The following LSAMP variants were observed in gnomAD, a reference collection of about 807,000 sequenced individuals.
The protein encoded by LSAMP is limbic system associated membrane protein, also known as limbic system-associated membrane protein.
A neutral mutation model predicts 38.6 loss-of-function variants in LSAMP; 7 were observed. That is an observed-to-expected ratio of 0.18 (90% CI 0.10 to 0.34). The LOEUF (loss-of-function observed/expected upper bound fraction) is 0.34, where lower values mean the gene tolerates loss of function less well. Ranked by LOEUF, LSAMP falls within the 10% of genes least tolerant of loss-of-function variation. LSAMP has a pLI of 1.00. For synonymous variants in LSAMP, 154 were observed against 166.8 expected (o/e 0.92, Z 0.59); for missense variants, 313 against 420.0 (o/e 0.75, Z 2.23).
chr3:116,444,751 G>A lies in LSAMP; in HGVS notation c.155+126C>T, dbSNP rs917717909. ...CACACCACACACACACACACCACAA[G>A]CCTGCAGCATCAGGAGCTGGAGTTC... On this transcript the variant is annotated intron_variant, in intron 1 of 6. Coordinates refer to ENST00000490035, the MANE Select transcript of LSAMP (RefSeq NM_002338.5). 9 of 1,201,342 alleles carry A rather than the reference G, an allele frequency of 7.5e-6. No homozygotes were observed. In the Admixed American group the frequency reaches 1.2e-4, roughly 16 times the overall value. The allele number at this position is 1,201,342 out of a possible 1,614,324, so 74.4% of individuals were successfully genotyped here. A position where few individuals can be genotyped will look rare whatever the true frequency, so the allele number is the denominator to read the frequency against.
chr3:115,958,054 T>C (rs960290572), intron 3 of LSAMP, among the ~76,000 whole-genome samples: 1 of 152,196 alleles, frequency 6.6e-6, no homozygotes, highest in Non-Finnish European at 1.5e-5. Flanking sequence ...TTTTATTTTT[T>C]AGATGAGCAT....
chr3:115,828,525 G>A (rs1050097616), intron 6 of LSAMP, among the ~76,000 whole-genome samples: 3 of 152,122 alleles, frequency 2.0e-5, no homozygotes, highest in African/African-American at 7.2e-5. Flanking sequence ...AGGCAGACTC[G>A]AGAGCAAGCA....
At chr3:116,100,164 C>T (rs1708314526) in intron 1 of LSAMP, among the ~76,000 whole-genome samples, 1 of 151,946 alleles carries the variant, frequency 6.6e-6, no homozygotes, top group Non-Finnish European at 1.5e-5. Context: ...TCACTGTAAC[C>T]TCTGCCTCCC....
intron 2 of LSAMP, among the ~76,000 whole-genome samples, chr3:116,043,463 A>G (rs1172765976): frequency 1.3e-5 from 2 of 152,160 alleles, no homozygotes; most frequent in Non-Finnish European, 2.9e-5. Flanking sequence ...CCTAACTCAG[A>G]GCAGATGTCA....
chr3:115,818,613 A>G (rs975019646), intron 6 of LSAMP, among the ~76,000 whole-genome samples: 1 of 151,322 alleles, frequency 6.6e-6, no homozygotes, highest in Non-Finnish European at 1.5e-5. Flanking sequence ...AATGCTCAAT[A>G]AATGAAAGTT....
chr3:116,167,614 A>T (rs139608765), intron 1 of LSAMP, among the ~76,000 whole-genome samples: 1 of 152,130 alleles, frequency 6.6e-6, no homozygotes, highest in African/African-American at 2.4e-5. Context: ...CCTTCCATCC[A>T]TCTATTGAAT....
At chr3:116,375,565 C>G (rs1484383662) in intron 1 of LSAMP, among the ~76,000 whole-genome samples, 1 of 151,728 alleles carries the variant, frequency 6.6e-6, no homozygotes, top group Non-Finnish European at 1.5e-5. Context: ...CTACAAATGT[C>G]ATAGTATACA....
intron 3 of LSAMP, among the ~76,000 whole-genome samples, chr3:115,960,914 T>A (rs552386021): frequency 6.6e-6 from 1 of 152,206 alleles, no homozygotes; most frequent in Admixed American, 6.5e-5. Flanking sequence ...CCCCATTAGC[T>A]GTCAGTTCAC....
chr3:116,315,240 C>T (rs1032684159), intron 1 of LSAMP, among the ~76,000 whole-genome samples: 1 of 152,286 alleles, frequency 6.6e-6, no homozygotes, highest in South Asian at 2.1e-4. Context: ...ACTCAGAGGC[C>T]TACTTCTTCC....
chr3:116,218,950 A>G (rs1022214475), intron 1 of LSAMP, among the ~76,000 whole-genome samples: 1 of 152,204 alleles, frequency 6.6e-6, no homozygotes, highest in Non-Finnish European at 1.5e-5. Context: ...TTTCTACTTC[A>G]TTGTGGTAAG....
At chr3:115,985,737 T>C (rs1939491918) in intron 3 of LSAMP, among the ~76,000 whole-genome samples, 1 of 152,126 alleles carries the variant, frequency 6.6e-6, no homozygotes, top group South Asian at 2.1e-4. Context: ...AAGTCCCACA[T>C]GGTGAGGAAC....
rs543798094 is a variant in LSAMP at position 115,823,848 on chromosome 3, A to G, written c.920-13434T>C. 2.6e-5 allele frequency among the ~76,000 whole-genome samples: 4 copies of G among 152,316 alleles called. No individual in the cohort carries two copies. The South Asian group carries it at 8.3e-4, about 32-fold the overall frequency. On this transcript the variant is annotated intron_variant, in intron 6 of 6. Coordinates refer to ENST00000490035, the MANE Select transcript of LSAMP (RefSeq NM_002338.5). The stretch of plus-strand genomic sequence containing the variant: ...GGTCTTAACAGCAATGCAATAAAAA[A>G]TGTTATCATACAGGTTGATGAGGTC...
intron 1 of LSAMP, among the ~76,000 whole-genome samples, chr3:116,273,703 T>C (rs985468452): frequency 7.9e-6 from 1 of 127,130 alleles, no homozygotes; most frequent in Admixed American, 7.8e-5. Flanking sequence ...TATATATATA[T>C]ATATACACAC....
At chr3:116,206,024 A>T (rs1187347816) in intron 1 of LSAMP, among the ~76,000 whole-genome samples, 1 of 151,952 alleles carries the variant, frequency 6.6e-6, no homozygotes, top group African/African-American at 2.4e-5. Flanking sequence ...CTGTGAATGC[A>T]TCTGGCCCTG....
rs564684455 is a variant in LSAMP, at chr3:116,058,590, C to T, written c.388+27734G>A. ...TCTACTAGAAATATAGTAATTTACT[C>T]ACAGAAAATAGTCATCTTCTGTAAT... On this transcript the variant is annotated intron_variant, in intron 2 of 6. Transcript: ENST00000490035. 1.1e-4 allele frequency among the ~76,000 whole-genome samples: 16 copies of T among 152,190 alleles called. No individual in the cohort carries two copies. In the East Asian group the frequency reaches 2.5e-3, roughly 24 times the overall value.
chr3:116,167,793 G>T (rs1000351803), intron 1 of LSAMP, among the ~76,000 whole-genome samples: 3 of 152,182 alleles, frequency 2.0e-5, no homozygotes, highest in Admixed American at 1.3e-4. Context: ...ATAATGTAGG[G>T]TTATTATGTA....
intron 3 of LSAMP, among the ~76,000 whole-genome samples, chr3:115,924,296 T>A (rs1937449784): frequency 1.3e-5 from 2 of 152,164 alleles, no homozygotes; most frequent in Admixed American, 6.5e-5. Flanking sequence ...TCTTCTTTAT[T>A]TGGATCAGAA....
intron 1 of LSAMP, among the ~76,000 whole-genome samples, chr3:116,387,095 A>C (rs1427595240): frequency 6.6e-6 from 1 of 152,178 alleles, no homozygotes; most frequent in East Asian, 1.9e-4. Flanking sequence ...CAGCCTAAGA[A>C]GTATTGACTT....
At chr3:116,259,027 C>T (rs568405931) in intron 1 of LSAMP, among the ~76,000 whole-genome samples, 72 of 152,240 alleles carry the variant, frequency 4.7e-4, no homozygotes, top group Non-Finnish European at 9.0e-4. Context: ...TTTAGCTTGA[C>T]CCTACCCAAG....
Sources: allele counts gnomAD v4.1 joint callset (sites outside exome capture counted in the v4.1 genomes callset), GRCh38; gene constraint gnomAD v4.1.1; transcripts MANE v1.5; gene names NCBI Gene and HGNC (gene_info 2026-07-23, HGNC 2026-07-21).